The following RMST variants were observed in gnomAD, a reference collection of about 807,000 sequenced individuals.
RMST encodes rhabdomyosarcoma 2 associated transcript, also known as long intergenic non-protein coding RNA 54.
chr12:97,541,079 T>G (rs1386114838), intron 11 of RMST: 1 of 151,622 alleles, frequency 6.6e-6, no homozygotes, highest in Non-Finnish European at 1.5e-5. Flanking sequence ...ATTAAATATC[T>G]GGCTTACTGG....
At chr12:97,551,897 A>G (rs1883336022) in intron 11 of RMST, 1 of 152,188 alleles carries the variant, frequency 6.6e-6, no homozygotes, top group Non-Finnish European at 1.5e-5. Context: ...TTTGAGTTCC[A>G]TGCTACCAAA....
At chr12:97,486,977 G>A (rs1221348727) in intron 5 of RMST, among the ~76,000 whole-genome samples, 3 of 152,198 alleles carry the variant, frequency 2.0e-5, no homozygotes, top group Non-Finnish European at 2.9e-5. Flanking sequence ...GGCATTGGGA[G>A]CAGCAGGGAG....
chr12:97,504,274 C>T (rs1455329608), intron 10 of RMST, among the ~76,000 whole-genome samples: 1 of 151,958 alleles, frequency 6.6e-6, no homozygotes, highest in African/African-American at 2.4e-5. Context: ...CCTGGTAGCA[C>T]ACGCCTGTAG....
chr12:97,562,633 C>T (rs1565941310), intron 13 of RMST, among the ~76,000 whole-genome samples: 1 of 152,094 alleles, frequency 6.6e-6, no homozygotes, highest in African/African-American at 2.4e-5. Flanking sequence ...TAATCTGGAC[C>T]CAATTAGCAT....
At chr12:97,536,741 T>C (rs549215458) in intron 11 of RMST, among the ~76,000 whole-genome samples, 3 of 151,640 alleles carry the variant, frequency 2.0e-5, no homozygotes, top group Admixed American at 2.0e-4. Context: ...AATTTGTGAG[T>C]GTGTATATTA....
chr12:97,521,623 C>T (rs1427158890), intron 10 of RMST, among the ~76,000 whole-genome samples: 6 of 152,108 alleles, frequency 3.9e-5, no homozygotes, highest in African/African-American at 7.2e-5. Context: ...CTCAAGCCCC[C>T]GCATAGTACT....
At chr12:97,560,334 C>T (rs181482426) in intron 11 of RMST, among the ~76,000 whole-genome samples, 3 of 152,268 alleles carry the variant, frequency 2.0e-5, no homozygotes, top group African/African-American at 4.8e-5. Flanking sequence ...GTCGAATTAC[C>T]GCCTAGCAGA....
chr12:97,536,834 T>C (rs992835066), intron 11 of RMST, among the ~76,000 whole-genome samples: 2 of 151,490 alleles, frequency 1.3e-5, no homozygotes, highest in Non-Finnish European at 3.0e-5. Context: ...TTACTTTAGC[T>C]TTAACTTATG....
chr12:97,469,425 G>A (rs1873627494), intron 5 of RMST, among the ~76,000 whole-genome samples: 1 of 151,856 alleles, frequency 6.6e-6, no homozygotes, highest in Non-Finnish European at 1.5e-5. Context: ...AATGCTTCCT[G>A]TATTATTTTA....
At chr12:97,531,779 A>G (rs1254170919) in intron 11 of RMST, among the ~76,000 whole-genome samples, 1 of 151,980 alleles carries the variant, frequency 6.6e-6, no homozygotes, top group Non-Finnish European at 1.5e-5. Context: ...ATCATGGCAA[A>G]ATGCAATAAT....
chr12:97,520,195 G>A (rs1880369130), intron 10 of RMST, among the ~76,000 whole-genome samples: 1 of 152,180 alleles, frequency 6.6e-6, no homozygotes, highest in Admixed American at 6.5e-5. Flanking sequence ...GTACAATAGT[G>A]GAACGTCTTT....
intron 10 of RMST, among the ~76,000 whole-genome samples, chr12:97,528,720 T>C (rs1881357056): frequency 6.6e-6 from 1 of 152,170 alleles, no homozygotes; most frequent in South Asian, 2.1e-4. Flanking sequence ...TGAATTTTTG[T>C]ATCATTTAAT....
Position 97,474,239 on chromosome 12 carries a change from C to T in RMST, n.644+8512C>T, listed in dbSNP as rs141425278. On this transcript the variant is annotated intron_variant and non_coding_transcript_variant, in intron 5 of 13. Transcript: ENST00000640149. Reference sequence around the variant, plus strand: ...GCTTAATAAGACCCACTCCTGGATGCGGCCACTCTCAATTCTCAGTGTCTT... The same window carrying T: ...GCTTAATAAGACCCACTCCTGGATGTGGCCACTCTCAATTCTCAGTGTCTT... Among the ~76,000 whole-genome samples, 1,518 of 152,174 alleles carry T rather than the reference C, an allele frequency of 1.0e-2. 16 individuals carry two copies. Among genetic ancestry groups the T allele is most frequent in the Middle Eastern group, 0.048 (14 of 294 alleles).
intron 10 of RMST, among the ~76,000 whole-genome samples, chr12:97,500,684 G>T (rs368640988): frequency 4.8e-4 from 73 of 152,252 alleles, no homozygotes; most frequent in African/African-American, 1.6e-3. Flanking sequence ...TATGCATTTT[G>T]CAGCTAGAGC....
intron 11 of RMST, among the ~76,000 whole-genome samples, chr12:97,536,894 TA>T (rs1165632110): frequency 1.3e-5 from 2 of 151,480 alleles, no homozygotes; most frequent in African/African-American, 4.8e-5. Context: ...GTTAGCCACT[TA>T]TTACTTCACA....
At chr12:97,474,624 C>CAAAA (rs34888626) in intron 5 of RMST, among the ~76,000 whole-genome samples, 53 of 55,768 alleles carry the variant, frequency 9.5e-4, no homozygotes, top group East Asian at 1.7e-3. Context: ...AAAAAGAAGC[C>CAAAA]AAAAAAAAAA....
intron 10 of RMST, among the ~76,000 whole-genome samples, chr12:97,512,359 G>C (rs529054625): frequency 3.9e-5 from 6 of 152,276 alleles, no homozygotes; most frequent in South Asian, 2.1e-4. Context: ...AGCTTCCACA[G>C]CGTGTAAGGG....
chr12:97,536,907 C>T (rs920861571), intron 11 of RMST, among the ~76,000 whole-genome samples: 29 of 151,348 alleles, frequency 1.9e-4, no homozygotes, highest in African/African-American at 7.0e-4. Context: ...TACTTCACAA[C>T]AATGAAACTA....
chr12:97,499,236 T>C (rs1015161014), intron 10 of RMST, among the ~76,000 whole-genome samples: 2 of 152,246 alleles, frequency 1.3e-5, no homozygotes, highest in African/African-American at 4.8e-5. Flanking sequence ...TATTTTTGGA[T>C]ATACATCAAT....
Sources: gnomAD v4.1 joint callset for allele counts (sites outside exome capture counted in the v4.1 genomes callset) on GRCh38, gnomAD v4.1.1 for gene constraint, MANE v1.5 for transcripts, NCBI Gene and HGNC (gene_info 2026-07-23, HGNC 2026-07-21) for gene names.